Variants in INIP observed in about 807,000 individuals in gnomAD.
The protein encoded by INIP is INTS3 and NABP interacting protein, also known as SOSS complex subunit C.
In INIP, 9 loss-of-function variants were observed where a neutral mutation model predicts 14.0. That is an observed-to-expected ratio of 0.64 (90% CI 0.39 to 1.12). The LOEUF (loss-of-function observed/expected upper bound fraction) is 1.12, where lower values mean the gene tolerates loss of function less well. INIP is among the 50% of genes most tolerant of loss of function. INIP has a pLI of 0.01. For synonymous variants in INIP, 37 were observed against 41.5 expected (o/e 0.89, Z 0.41); for missense variants, 78 against 122.7 (o/e 0.64, Z 1.72).
At chr9:112,715,645 T>C (rs1013602259) in intron 2 of INIP, among the ~76,000 whole-genome samples, 2 of 151,950 alleles carry the variant, frequency 1.3e-5, no homozygotes, top group Non-Finnish European at 2.9e-5. Flanking sequence ...TGATGGCGTG[T>C]GCCTGTAATC....
rs1838747206 is a variant in INIP, at chr9:112,714,576, A to G, written c.25+1885T>C. ...CAGCAATGAAGATAAAGGCACAGAT[A>G]ATGTGTGATGACAATAAAACTTCTT... is the stretch of plus-strand genomic sequence containing the variant. On this transcript the variant is annotated intron_variant, in intron 2 of 4. Transcript: ENST00000374242. 3.3e-5 allele frequency among the ~76,000 whole-genome samples: 5 copies of G among 152,354 alleles called. No individual in the cohort carries two copies. The South Asian group carries it at 1.0e-3, about 32-fold the overall frequency.
At chr9:112,696,815 T>C (rs190572144) in intron 2 of INIP, among the ~76,000 whole-genome samples, 1 of 152,192 alleles carries the variant, frequency 6.6e-6, no homozygotes, top group Admixed American at 6.5e-5. Flanking sequence ...TAGACATGAA[T>C]AGCCAGATGA....
chr9:112,696,194 T>C (rs770257754), intron 2 of INIP, among the ~76,000 whole-genome samples: 2 of 152,106 alleles, frequency 1.3e-5, no homozygotes, highest in Non-Finnish European at 1.5e-5. Flanking sequence ...GCTAAGCCCA[T>C]TGTGGTCTTT....
intron 2 of INIP, chr9:112,701,714 A>C (rs1198051224): frequency 1.3e-5 from 2 of 152,100 alleles, no homozygotes; most frequent in Non-Finnish European, 2.9e-5. Context: ...ACATTTTTAG[A>C]AGATAATTAT....
At chr9:112,695,087 G>A (rs112080596) in intron 2 of INIP, among the ~76,000 whole-genome samples, 3 of 151,948 alleles carry the variant, frequency 2.0e-5, no homozygotes, top group African/African-American at 4.8e-5. Flanking sequence ...ATGCCCCCAC[G>A]GCAACAATTC....
rs114877162 is a variant in INIP, at chr9:112,708,604, C to T, written c.25+7857G>A. ...CTGCTGTAACAAATTACCCAAAATT[C>T]GTGGCTTAAAACGTCACAAATCTAT... On this transcript the variant is annotated intron_variant, in intron 2 of 4. Transcript: ENST00000374242. Among the ~76,000 whole-genome samples the T allele has an allele frequency of 3.2e-3, 488 of 152,272 alleles. 3 individuals carry two copies. Among genetic ancestry groups the T allele is most frequent in the African/African-American group, 0.011 (457 of 41,566 alleles).
chr9:112,697,842 G>C (rs187871426), intron 2 of INIP, among the ~76,000 whole-genome samples: 2 of 152,294 alleles, frequency 1.3e-5, no homozygotes, highest in African/African-American at 2.4e-5. Context: ...AGGCAGAACA[G>C]AAGTAGGAAA....
intron 2 of INIP, among the ~76,000 whole-genome samples, chr9:112,698,440 T>C (rs1239044616): frequency 6.6e-6 from 1 of 152,194 alleles, no homozygotes; most frequent in Admixed American, 6.5e-5. Flanking sequence ...ATCTTAATAT[T>C]TGTGACATTT....
At chr9:112,689,220 A>G (rs1230565077) in intron 4 of INIP, among the ~76,000 whole-genome samples, 1 of 152,224 alleles carries the variant, frequency 6.6e-6, no homozygotes, top group Non-Finnish European at 1.5e-5. Flanking sequence ...TGTACTATTT[A>G]GCCAGTTCAA....
At chr9:112,707,731 C>A (rs1490221128) in intron 2 of INIP, among the ~76,000 whole-genome samples, 2 of 152,100 alleles carry the variant, frequency 1.3e-5, no homozygotes, top group Non-Finnish European at 2.9e-5. Flanking sequence ...ACTACACTTT[C>A]ATAACAATAA....
chr9:112,696,374 G>T (rs898609570), intron 2 of INIP, among the ~76,000 whole-genome samples: 5 of 152,100 alleles, frequency 3.3e-5, no homozygotes, highest in African/African-American at 4.8e-5. Context: ...TTATGGATAC[G>T]CCTGTCTCGA....
chr9:112,703,645 T>C (rs1838369077), intron 2 of INIP, among the ~76,000 whole-genome samples: 2 of 152,182 alleles, frequency 1.3e-5, no homozygotes, highest in South Asian at 4.1e-4. Context: ...TGGACTATCT[T>C]GCTTCTGACA....
At chr9:112,687,824 A>G (rs563186735) in intron 4 of INIP, among the ~76,000 whole-genome samples, 191 bp from the exon 5 acceptor site, 109 of 152,148 alleles carry the variant, frequency 7.2e-4, no homozygotes, top group Admixed American at 1.8e-3. Context: ...GGTGGCTCAC[A>G]CTGGTAATCC....
intron 2 of INIP, among the ~76,000 whole-genome samples, chr9:112,705,110 C>CAAAAAAAAA (rs1194911436): frequency 6.5e-5 from 3 of 46,006 alleles, no homozygotes; most frequent in African/African-American, 9.2e-5. Flanking sequence ...GACCCTGTCT[C>CAAAAAAAAA]AAAAAAAAAA....
chr9:112,697,589 A>T (rs1838139728), intron 2 of INIP, among the ~76,000 whole-genome samples: 1 of 152,178 alleles, frequency 6.6e-6, no homozygotes, highest in African/African-American at 2.4e-5. Flanking sequence ...GTCACTTAAA[A>T]CAAAACAAAA....
chr9:112,706,747 T>C (rs888093432), intron 2 of INIP, among the ~76,000 whole-genome samples: 1 of 152,146 alleles, frequency 6.6e-6, no homozygotes, highest in East Asian at 1.9e-4. Context: ...TATTATCTCA[T>C]GTACGGTAAG....
intron 3 of INIP, among the ~76,000 whole-genome samples, chr9:112,691,544 T>C (rs965226770): frequency 2.6e-5 from 4 of 152,174 alleles, no homozygotes; most frequent in South Asian, 2.1e-4. Context: ...TGGGAAAAGA[T>C]GCAACTGTCC....
At chr9:112,700,354 T>G (rs932436365) in intron 2 of INIP, among the ~76,000 whole-genome samples, 7 of 152,098 alleles carry the variant, frequency 4.6e-5, no homozygotes, top group Non-Finnish European at 8.8e-5. Flanking sequence ...AAAACAATTT[T>G]CCATGAGGCC....
At chr9:112,717,676 T>C (rs779988668) in intron 1 of INIP, among the ~76,000 whole-genome samples, 30 of 152,252 alleles carry the variant, frequency 2.0e-4, no homozygotes, top group Middle Eastern at 6.8e-3. Context: ...CACCGGTTTT[T>C]AGTAAATGAA....
Sources: allele counts gnomAD v4.1 joint callset (sites outside exome capture counted in the v4.1 genomes callset), GRCh38; gene constraint gnomAD v4.1.1; transcripts MANE v1.5; gene names NCBI Gene and HGNC (gene_info 2026-07-23, HGNC 2026-07-21).